TMEFF2: variants seen among roughly 807,000 people sequenced by gnomAD.
TMEFF2 encodes the protein tomoregulin-2.
A neutral mutation model predicts 53.8 loss-of-function variants in TMEFF2; 28 were observed. The observed-to-expected ratio is 0.52, with a 90% CI of 0.39 to 0.71. TMEFF2 has a LOEUF of 0.71. TMEFF2 is among the 30% of genes least tolerant of loss of function. The pLI, the probability that TMEFF2 is intolerant of heterozygous loss-of-function variation, is 0.00. For synonymous variants in TMEFF2, 162 were observed against 166.3 expected, an observed-to-expected ratio of 0.97 and a Z score of 0.20; for missense variants, 353 against 455.2, an observed-to-expected ratio of 0.78 and a Z score of 2.04.
At chr2:191,971,170 A>G (rs1168385379) in intron 7 of TMEFF2, among the ~76,000 whole-genome samples, 1 of 152,186 alleles carries the variant, frequency 6.6e-6, no homozygotes, top group African/African-American at 2.4e-5. Context: ...CTACATGGAC[A>G]TCATTTAGGG....
chr2:192,055,774 CAAAAAAAAAAAA>C (rs71405038), intron 5 of TMEFF2, among the ~76,000 whole-genome samples: 5 of 42,504 alleles, frequency 1.2e-4, no homozygotes, highest in Non-Finnish European at 1.9e-4. Context: ...GACTCCATCT[CAAAAAAAAAAAA>C]AAAAAAAAAA....
At chr2:191,962,617 G>GA (rs1464652718) in intron 7 of TMEFF2, among the ~76,000 whole-genome samples, 1 of 152,234 alleles carries the variant, frequency 6.6e-6, no homozygotes, top group East Asian at 1.9e-4. Flanking sequence ...GATAAATACT[G>GA]AAAAATCTGT....
At chr2:192,133,615 C>G (rs1254138884) in intron 4 of TMEFF2, among the ~76,000 whole-genome samples, 2 of 152,308 alleles carry the variant, frequency 1.3e-5, no homozygotes, top group East Asian at 3.9e-4. Flanking sequence ...CATATACTCT[C>G]CTATTCTCAA....
intron 5 of TMEFF2, among the ~76,000 whole-genome samples, chr2:192,049,826 C>T (rs1687720544): frequency 6.6e-6 from 1 of 152,026 alleles, no homozygotes; most frequent in African/African-American, 2.4e-5. Flanking sequence ...ACGATGAAAC[C>T]CCATCTCTAC....
intron 6 of TMEFF2, among the ~76,000 whole-genome samples, chr2:191,998,715 G>T (rs1346836582): frequency 6.6e-6 from 1 of 151,926 alleles, no homozygotes; most frequent in East Asian, 1.9e-4. Context: ...TTTGCTTTTA[G>T]TTTCAAGGAT....
At chr2:192,132,272 C>T (rs1348018952) in intron 4 of TMEFF2, among the ~76,000 whole-genome samples, 1 of 152,092 alleles carries the variant, frequency 6.6e-6, no homozygotes, top group South Asian at 2.1e-4. Flanking sequence ...TGGCTGGAGC[C>T]AAAGGCATAG....
chr2:192,136,064 C>T (rs140492314), intron 4 of TMEFF2, among the ~76,000 whole-genome samples: 2,271 of 152,300 alleles, frequency 0.015, 46 homozygotes, highest in African/African-American at 0.052. Context: ...AGCCATGTTG[C>T]TCACACAAAG....
Position 191,950,196 on chromosome 2 carries a change from A to ATTAC in TMEFF2, c.*111_*114dup. On this transcript the variant is annotated 3_prime_UTR_variant, in exon 10 of 10. Coordinates refer to ENST00000272771, the MANE Select transcript of TMEFF2 (RefSeq NM_016192.4). Reference sequence around the variant, plus strand: ...GTAGTACATGTTTTCATTGGTGTAGATTACCACAAATGCAAGGCAACATGT... The same window carrying ATTAC: ...GTAGTACATGTTTTCATTGGTGTAGATTACTTACCACAAATGCAAGGCAACATGT... 6.5e-7 allele frequency: 1 copy of ATTAC among 1,528,672 alleles called. No individual in the cohort carries two copies. The highest frequency in any genetic ancestry group is 8.8e-7 in the Non-Finnish European group (1 of 1,141,390). The allele number at this position is 1,528,672 out of a possible 1,614,324, so 94.7% of individuals were successfully genotyped here.
At chr2:191,988,721 G>A (rs894497615) in intron 7 of TMEFF2, among the ~76,000 whole-genome samples, 26 of 152,154 alleles carry the variant, frequency 1.7e-4, no homozygotes, top group African/African-American at 6.0e-4. Context: ...CATACTTTTG[G>A]GAGGGAGTTT....
intron 4 of TMEFF2, among the ~76,000 whole-genome samples, chr2:192,169,829 C>T (rs1690864539): frequency 1.3e-5 from 2 of 152,010 alleles, no homozygotes; most frequent in Non-Finnish European, 2.9e-5. Flanking sequence ...GCAGTTCTGG[C>T]ATAAGGGAGC....
At chr2:192,038,594 T>C (rs901676876) in intron 5 of TMEFF2, among the ~76,000 whole-genome samples, 1 of 152,056 alleles carries the variant, frequency 6.6e-6, no homozygotes, top group Admixed American at 6.6e-5. Context: ...CCAGCTCAAG[T>C]GATCCTCCCA....
intron 7 of TMEFF2, among the ~76,000 whole-genome samples, chr2:191,966,048 A>AAAAC (rs1379403102): frequency 6.6e-5 from 10 of 152,140 alleles, no homozygotes; most frequent in Non-Finnish European, 1.5e-4. Flanking sequence ...GCACAAGATG[A>AAAAC]TGAATACATA....
At chr2:192,082,313 G>C (rs937362591) in intron 4 of TMEFF2, among the ~76,000 whole-genome samples, 1 of 151,930 alleles carries the variant, frequency 6.6e-6, no homozygotes, top group African/African-American at 2.4e-5. Context: ...GCTCTTTCCC[G>C]CTAAGACCAC....
chr2:192,190,669 CTTA>C (rs1214937833), intron 2 of TMEFF2, among the ~76,000 whole-genome samples: 10 of 152,218 alleles, frequency 6.6e-5, no homozygotes, highest in African/African-American at 2.4e-4. Context: ...TATCAGTTGT[CTTA>C]TTATGTTTCT....
At chr2:191,953,544 T>A in intron 9 of TMEFF2, 135 bp downstream of exon 9, 1 of 893,766 alleles carries the variant, frequency 1.1e-6, no homozygotes, top group Admixed American at 3.0e-5. Flanking sequence ...AATACTCTTA[T>A]GCTAAGGACA....
chr2:192,137,168 T>G (rs2105985475), intron 4 of TMEFF2, among the ~76,000 whole-genome samples: 1 of 152,326 alleles, frequency 6.6e-6, no homozygotes, highest in Non-Finnish European at 1.5e-5. Flanking sequence ...TGTGCTCCTT[T>G]GGTGCTTACC....
intron 4 of TMEFF2, among the ~76,000 whole-genome samples, chr2:192,086,259 G>A (rs1381697131): frequency 6.6e-6 from 1 of 152,050 alleles, no homozygotes; most frequent in Non-Finnish European, 1.5e-5. Flanking sequence ...ATACCAGTGA[G>A]CCACTATAAA....
intron 5 of TMEFF2, among the ~76,000 whole-genome samples, chr2:192,004,954 C>T (rs1380000186): frequency 6.6e-6 from 1 of 152,048 alleles, no homozygotes; most frequent in Non-Finnish European, 1.5e-5. Flanking sequence ...TTTTCTTCTT[C>T]GTTTTTTCAA....
At chr2:192,014,589 G>A (rs189914873) in intron 5 of TMEFF2, among the ~76,000 whole-genome samples, 13 of 152,262 alleles carry the variant, frequency 8.5e-5, no homozygotes, top group Admixed American at 6.5e-5. Context: ...GTTACTGTCT[G>A]CTGTAAGCCT....
Sources: gnomAD v4.1 joint callset for allele counts (sites outside exome capture counted in the v4.1 genomes callset) on GRCh38, gnomAD v4.1.1 for gene constraint, MANE v1.5 for transcripts, NCBI Gene and HGNC (gene_info 2026-07-23, HGNC 2026-07-21) for gene names.